CSMD3: variants seen among roughly 807,000 people sequenced by gnomAD.
CSMD3 encodes the protein CUB and Sushi multiple domains 3.
In CSMD3, 177 loss-of-function variants were observed where a neutral mutation model predicts 435.2. That is an observed-to-expected ratio of 0.41 (90% CI 0.36 to 0.46). The LOEUF (loss-of-function observed/expected upper bound fraction) is 0.46, where lower values mean the gene tolerates loss of function less well. Among genes scored for constraint, CSMD3 ranks in the 20% least tolerant of loss-of-function variants. CSMD3 has a pLI of 0.34. For missense variants in CSMD3, 4,265 were observed against 4,504.6 expected, an observed-to-expected ratio of 0.95 and a Z score of 1.52; for synonymous variants, 1,656 against 1,520.5, an observed-to-expected ratio of 1.09 and a Z score of -2.07.
chr8:113,069,642 G>A (rs1162198213), intron 5 of CSMD3, among the ~76,000 whole-genome samples: 1 of 152,052 alleles, frequency 6.6e-6, no homozygotes, highest in African/African-American at 2.4e-5. Flanking sequence ...AAGTGCCTTA[G>A]AAGAAAGATT....
At position 112,263,665 on chromosome 8, in the gene CSMD3, C is replaced by T. The variant is rs778706802; in HGVS notation, c.9836G>A (p.Trp3279Ter). The T allele has an allele frequency of 6.2e-7, 1 of 1,613,516 alleles. No homozygotes were observed. Among genetic ancestry groups the T allele is most frequent in the Non-Finnish European group, 8.5e-7 (1 of 1,179,690 alleles). ...TAAGCACTGCGGTACTTCACCACTC[C>T]AGGTACCATTCCCTACACAGGTCAA... is the stretch of plus-strand genomic sequence containing the variant. ...AVLTCVGNGT[W>*]SGEVPQCLPK... Residue 3279 changes from tryptophan (W) to a stop codon, truncating the protein, a stop_gained, in exon 61 of 71, where the codon TGG (tryptophan) becomes TAG (stop). Transcript: ENST00000297405. LOFTEE classifies it high-confidence loss of function.
At chr8:112,320,280 C>A (rs144727458) in intron 45 of CSMD3, among the ~76,000 whole-genome samples, 1 of 151,966 alleles carries the variant, frequency 6.6e-6, no homozygotes, top group African/African-American at 2.4e-5. Context: ...TTTGGAATTA[C>A]GTATTCATGT....
intron 13 of CSMD3, among the ~76,000 whole-genome samples, chr8:112,765,244 A>G (rs1256555654): frequency 6.6e-6 from 1 of 151,654 alleles, no homozygotes; most frequent in African/African-American, 2.4e-5. Flanking sequence ...ATGATTTTTA[A>G]TTGTCAGGCA....
At chr8:112,928,736 C>T (rs574213067) in intron 9 of CSMD3, among the ~76,000 whole-genome samples, 12 of 150,144 alleles carry the variant, frequency 8.0e-5, no homozygotes, top group East Asian at 2.0e-4. Context: ...TGAATAATGC[C>T]GCAATAAACA....
rs777273246 is a variant in CSMD3 at position 112,231,645 on chromosome 8, A to T, written c.10741-13T>A. On this transcript the variant is annotated splice_polypyrimidine_tract_variant and intron_variant, in intron 68 of 70. Transcript: ENST00000297405. The stretch of plus-strand genomic sequence containing the variant: ...GCTCAGCAGAAACCTAAAAATATTT[A>T]AACAGCCAAATATACTTGAATACTG... The T allele has an allele frequency of 2.0e-6, 3 of 1,491,838 alleles. No homozygotes were observed. Among genetic ancestry groups the T allele is most frequent in the Non-Finnish European group, 1.9e-6 (2 of 1,068,954 alleles). The allele number at this position is 1,491,838 out of a possible 1,614,324, so 92.4% of individuals were successfully genotyped here.
chr8:113,402,556 A>G (rs1440069691), intron 1 of CSMD3, among the ~76,000 whole-genome samples: 1 of 151,314 alleles, frequency 6.6e-6, no homozygotes, highest in Non-Finnish European at 1.5e-5. Context: ...AAATCTATTG[A>G]GGAAATGCAT....
intron 22 of CSMD3, among the ~76,000 whole-genome samples, chr8:112,629,643 A>G (rs1317056581): frequency 1.3e-5 from 2 of 152,128 alleles, no homozygotes; most frequent in African/African-American, 2.4e-5. Flanking sequence ...GCTAAAGCCA[A>G]CTCATGAAAG....
intron 6 of CSMD3, among the ~76,000 whole-genome samples, chr8:112,984,664 A>G (rs1449495400): frequency 6.6e-6 from 1 of 152,150 alleles, no homozygotes; most frequent in Non-Finnish European, 1.5e-5. Flanking sequence ...AGAACAGAAT[A>G]TATTTGGAAA....
intron 4 of CSMD3, among the ~76,000 whole-genome samples, chr8:113,160,023 A>T (rs138577910): frequency 1.8e-4 from 28 of 152,150 alleles, no homozygotes; most frequent in Admixed American, 1.8e-3. Context: ...CTAAAAACTC[A>T]TATGTGAAAG....
chr8:113,165,692 AGAT>A (rs886425535), intron 4 of CSMD3, among the ~76,000 whole-genome samples: 129 of 152,298 alleles, frequency 8.5e-4, no homozygotes, highest in African/African-American at 2.9e-3. Context: ...AAAAATACAC[AGAT>A]GGTCTCTTTA....
rs533257117 is a variant in CSMD3 at position 112,861,127 on chromosome 8, T to C, written c.1634-1861A>G. The stretch of plus-strand genomic sequence containing the variant: ...TTCTGTTTTCCTCTGTGGAAACATC[T>C]CTGTTTTGCTTCATTTCTTCTCTTC... On this transcript the variant is annotated intron_variant, in intron 10 of 70. Coordinates refer to ENST00000297405, the MANE Select transcript of CSMD3 (RefSeq NM_198123.2). Among the ~76,000 whole-genome samples, 33 of 151,962 alleles carry C rather than the reference T, an allele frequency of 2.2e-4. No homozygotes were observed. In the Middle Eastern group the frequency reaches 0.017, roughly 78 times the overall value.
intron 11 of CSMD3, among the ~76,000 whole-genome samples, chr8:112,850,723 T>G (rs532564743): frequency 6.6e-6 from 1 of 152,290 alleles, no homozygotes; most frequent in African/African-American, 2.4e-5. Flanking sequence ...TATCAACATT[T>G]TCTTCTTCAC....
chr8:113,116,702 A>G (rs2090840875), intron 4 of CSMD3, among the ~76,000 whole-genome samples: 1 of 152,184 alleles, frequency 6.6e-6, no homozygotes, highest in Non-Finnish European at 1.5e-5. Context: ...AGGGCTCAGA[A>G]AACAGGAAGA....
chr8:113,054,835 C>T (rs1374439676), intron 5 of CSMD3, among the ~76,000 whole-genome samples: 1 of 152,072 alleles, frequency 6.6e-6, no homozygotes, highest in African/African-American at 2.4e-5. Context: ...ACTTAAATGT[C>T]TCTAGTGGAT....
chr8:112,859,062 ATAC>A, intron 11 of CSMD3, 80 bp downstream of exon 11: 1 of 1,304,804 alleles, frequency 7.7e-7, no homozygotes, highest in Non-Finnish European at 1.1e-6. Flanking sequence ...TAAATTTTCC[ATAC>A]TGCATGTTCC....
rs750618097 is a variant in CSMD3, at chr8:112,301,932, A to G, written c.8301T>C (p.Asn2767=). ...ISCGELPTPP[N]GNKIGTQTSY... ...AAGTTTGAGTTCCAATCTTATTTCC[A>G]TTTGGAGGTGTAGGTAGTTCTCCAC... Residue 2767 remains asparagine (N), a synonymous_variant, in exon 53 of 71, where the codon AAT becomes AAC. Transcript: ENST00000297405. 4 of 1,612,194 alleles carry G rather than the reference A, an allele frequency of 2.5e-6. No homozygotes were observed. Among genetic ancestry groups the G allele is most frequent in the Non-Finnish European group, 3.4e-6 (4 of 1,178,350 alleles).
At chr8:113,295,531 A>C (rs751235588) in intron 2 of CSMD3, among the ~76,000 whole-genome samples, 2 of 152,242 alleles carry the variant, frequency 1.3e-5, no homozygotes, top group Non-Finnish European at 2.9e-5. Context: ...ATGATATAAA[A>C]TAAAGTTAAA....
intron 5 of CSMD3, 74 bp from the exon 6 acceptor site, chr8:113,019,253 C>G: frequency 4.5e-6 from 4 of 891,384 alleles, no homozygotes; most frequent in Non-Finnish European, 5.7e-6. Context: ...AAATTGGGAC[C>G]AAACAAATGT....
rs183109138 is a variant in CSMD3, at chr8:113,398,104, A to T, written c.178+38573T>A. Among the ~76,000 whole-genome samples, 102 of 152,236 alleles carry T rather than the reference A, an allele frequency of 6.7e-4. No individual in the cohort carries two copies. The East Asian group carries it at 0.018, about 27-fold the overall frequency. The stretch of plus-strand genomic sequence containing the variant: ...TTGTTATCTATTAATCCAGGAGTTG[A>T]TATATTGGAAACTCTCCCCATCCCC... On this transcript the variant is annotated intron_variant, in intron 1 of 70. Transcript: ENST00000297405.
Sources: gnomAD v4.1 joint callset for allele counts (sites outside exome capture counted in the v4.1 genomes callset) on GRCh38, gnomAD v4.1.1 for gene constraint, MANE v1.5 for transcripts, NCBI Gene and HGNC (gene_info 2026-07-23, HGNC 2026-07-21) for gene names.